Variants in CAST observed in about 807,000 individuals in gnomAD.
The protein encoded by CAST is MIR583 host.
Under a neutral mutation model 119.6 loss-of-function variants are expected in CAST, and 76 were observed. The ratio of observed to expected loss-of-function variants is 0.64; its 90% CI spans 0.53 to 0.77. CAST has a LOEUF of 0.77. CAST is among the 30% of genes least tolerant of loss of function. The pLI is 0.00. For missense variants in CAST, 953 were observed against 946.5 expected (o/e 1.01, Z -0.09); for synonymous variants, 319 against 331.6 (o/e 0.96, Z 0.41).
intron 6 of CAST, chr5:96,728,488 T>G (rs1373965475): frequency 6.9e-6 from 1 of 144,330 alleles, no homozygotes; most frequent in Non-Finnish European, 1.5e-5. Flanking sequence ...TTTTTTTTTT[T>G]GCTTTTGAGA....
At chr5:96,582,142 CTCTAAAACA>C (rs1580834019) in intron 1 of CAST, among the ~76,000 whole-genome samples, 1 of 152,238 alleles carries the variant, frequency 6.6e-6, no homozygotes, top group East Asian at 1.9e-4. Context: ...TTCCTTCTGA[CTCTAAAACA>C]TATGTCTACA....
At chr5:96,325,923 T>C in the CAST span, among the ~76,000 whole-genome samples, 2 of 152,246 alleles carry the variant, frequency 1.3e-5, no homozygotes, top group Admixed American at 6.5e-5. Flanking sequence ...GCGATCCACA[T>C]GATACATTAA....
chr5:96,289,817 A>G, the CAST span, among the ~76,000 whole-genome samples: 19 of 152,164 alleles, frequency 1.2e-4, no homozygotes, highest in Admixed American at 2.6e-4. Flanking sequence ...AGACAAATAA[A>G]TGAGGTGAAA....
At chr5:96,738,183 A>G (rs1023024528) in intron 11 of CAST, among the ~76,000 whole-genome samples, 2 of 152,110 alleles carry the variant, frequency 1.3e-5, no homozygotes, top group African/African-American at 4.8e-5. Flanking sequence ...TTAGCTGGGC[A>G]TGGTGGTACA....
In CAST at chr5:96,774,386, G is replaced by GTGTT. The variant is rs1029608984; in HGVS notation, c.*1775_*1778dup. On this transcript the variant is annotated 3_prime_UTR_variant, in exon 32 of 32. Transcript: ENST00000675179. The stretch of plus-strand genomic sequence containing the variant: ...AATTAGAAATATCTTCGAGACTTGG[G>GTGTT]TGTTTGTTAATAACTAATAACTGGA... The GTGTT allele has an allele frequency of 1.3e-4, 49 of 363,964 alleles. No homozygotes were observed. In the East Asian group the frequency reaches 1.4e-3, roughly 11 times the overall value. 22.5% of individuals were successfully genotyped at this position (363,964 alleles called of 1,614,324 possible).
At chr5:96,069,367 G>A in the CAST span, among the ~76,000 whole-genome samples, 5 of 111,612 alleles carry the variant, frequency 4.5e-5, no homozygotes, top group Admixed American at 3.5e-4. Context: ...GTGTGTGTGT[G>A]TGTGTGTGTG....
the CAST span, among the ~76,000 whole-genome samples, chr5:96,409,901 C>T: frequency 1.3e-5 from 2 of 152,144 alleles, no homozygotes; most frequent in East Asian, 1.9e-4. Context: ...AGAAGATGTT[C>T]GTGTTGACAA....
At chr5:96,314,462 A>T in the CAST span, among the ~76,000 whole-genome samples, 1 of 152,222 alleles carries the variant, frequency 6.6e-6, no homozygotes, top group Non-Finnish European at 1.5e-5. Flanking sequence ...GGTGAAGCTG[A>T]GCAAATGGGG....
At chr5:96,666,889 C>G (rs1011936839) in intron 1 of CAST, among the ~76,000 whole-genome samples, 1 of 151,654 alleles carries the variant, frequency 6.6e-6, no homozygotes, top group Non-Finnish European at 1.5e-5. Context: ...ACTAGATTGT[C>G]TCAGCAGATA....
rs1004707730 is a variant in CAST, at chr5:96,651,261, C to T, written c.61-24278C>T. On this transcript the variant is annotated intron_variant, in intron 1 of 11. Transcript: ENST00000505143. ...GCAACTTGTAGTGGGACAAGAACTT[C>T]GGTTTCTCCACCACACTGCAGAGGA... is the stretch of plus-strand genomic sequence containing the variant. Among the ~76,000 whole-genome samples, 6 of 152,316 alleles carry T rather than the reference C, an allele frequency of 3.9e-5. No homozygotes were observed. The South Asian group carries it at 6.2e-4, about 16-fold the overall frequency.
chr5:96,334,643 C>T, the CAST span, among the ~76,000 whole-genome samples: 2 of 152,154 alleles, frequency 1.3e-5, no homozygotes, highest in East Asian at 3.9e-4. Context: ...TGAATATAGC[C>T]ACACAGTAGG....
the CAST span, among the ~76,000 whole-genome samples, chr5:96,057,047 T>C: frequency 6.6e-6 from 1 of 152,172 alleles, no homozygotes; most frequent in Non-Finnish European, 1.5e-5. Context: ...ATAACTTTTA[T>C]GTACAGAAAA....
chr5:96,099,534 A>G, the CAST span, among the ~76,000 whole-genome samples: 2 of 152,208 alleles, frequency 1.3e-5, no homozygotes, highest in African/African-American at 4.8e-5. Context: ...TTTAACATGA[A>G]TGGATGCTGA....
the CAST span, among the ~76,000 whole-genome samples, chr5:96,303,491 G>A: frequency 1.3e-5 from 2 of 151,926 alleles, no homozygotes; most frequent in African/African-American, 4.8e-5. Flanking sequence ...TTTAAGTTCT[G>A]GGGTACATGT....
chr5:96,656,358 A>G (rs1217756617), intron 1 of CAST, among the ~76,000 whole-genome samples: 1 of 152,242 alleles, frequency 6.6e-6, no homozygotes, highest in Non-Finnish European at 1.5e-5. Context: ...TTTGAAGGCT[A>G]TAGCGTACGT....
intron 11 of CAST, among the ~76,000 whole-genome samples, chr5:96,739,605 A>G (rs1762296256): frequency 6.6e-6 from 1 of 152,236 alleles, no homozygotes; most frequent in Non-Finnish European, 1.5e-5. Flanking sequence ...TTTCTGATTA[A>G]CAGGGAAAGG....
At chr5:96,483,875 C>T in the CAST span, among the ~76,000 whole-genome samples, 1 of 152,168 alleles carries the variant, frequency 6.6e-6, no homozygotes, top group Non-Finnish European at 1.5e-5. Context: ...TAGTGAAGTG[C>T]TGAGTCAAGA....
the CAST span, among the ~76,000 whole-genome samples, chr5:96,483,612 G>A: frequency 6.6e-6 from 1 of 152,082 alleles, no homozygotes; most frequent in Non-Finnish European, 1.5e-5. Flanking sequence ...GAGCTTCATT[G>A]TAAGTTGTCT....
At chr5:96,387,713 C>T in the CAST span, among the ~76,000 whole-genome samples, 1 of 152,142 alleles carries the variant, frequency 6.6e-6, no homozygotes, top group Non-Finnish European at 1.5e-5. Context: ...ACTGGACCCT[C>T]CCCAAGAATG....
Sources: gnomAD v4.1 joint callset for allele counts (sites outside exome capture counted in the v4.1 genomes callset) on GRCh38, gnomAD v4.1.1 for gene constraint, MANE v1.5 for transcripts, NCBI Gene and HGNC (gene_info 2026-07-23, HGNC 2026-07-21) for gene names.